SYNPO: variants seen among roughly 807,000 people sequenced by gnomAD.
SYNPO encodes the protein synaptopodin.
A neutral mutation model predicts 49.5 loss-of-function variants in SYNPO; 19 were observed. That is an observed-to-expected ratio of 0.38 (90% CI 0.27 to 0.56). The LOEUF is 0.56. Among genes scored for constraint, SYNPO ranks in the 20% least tolerant of loss-of-function variants. The pLI is 0.68. For synonymous variants in SYNPO, 536 were observed against 548.0 expected (o/e 0.98, Z 0.31); for missense variants, 1,131 against 1,248.3 (o/e 0.91, Z 1.42).
At chr5:150,586,333 C>G in the SYNPO span, among the ~76,000 whole-genome samples, 3 of 152,164 alleles carry the variant, frequency 2.0e-5, no homozygotes, top group Non-Finnish European at 4.4e-5. Flanking sequence ...GAACACAGCC[C>G]GTGGGCTCAC....
At chr5:150,655,066 G>A (rs557588308) in intron 2 of SYNPO, among the ~76,000 whole-genome samples, 7 of 152,226 alleles carry the variant, frequency 4.6e-5, no homozygotes, top group African/African-American at 1.7e-4. Context: ...CAGAAGTTGC[G>A]GTGAGCTGAG....
chr5:150,652,534 G>T (rs1352978320), intron 2 of SYNPO: 1 of 467,258 alleles, frequency 2.1e-6, no homozygotes, highest in Non-Finnish European at 2.8e-6. Context: ...GGAAATGAGG[G>T]CTTCCTCTCT....
At chr5:150,618,884 C>T in intron 2 of SYNPO, 1 of 1,294,048 alleles carries the variant, frequency 7.7e-7, no homozygotes, top group Admixed American at 2.2e-5. Context: ...ATCACAGTCC[C>T]ATGGGCATGC....
upstream of SYNPO, among the ~76,000 whole-genome samples, chr5:150,598,545 G>A (rs1414095087): frequency 2.0e-5 from 3 of 152,226 alleles, no homozygotes; most frequent in African/African-American, 7.2e-5. Flanking sequence ...ACAGTGCCCG[G>A]CACAGAGGAA....
intron 2 of SYNPO, 160 bp downstream of exon 2, chr5:150,650,463 G>C: frequency 2.6e-6 from 4 of 1,519,538 alleles, no homozygotes; most frequent in Non-Finnish European, 3.5e-6. Context: ...GGTCAGATGC[G>C]GCCACCAGCT....
Position 150,657,195 on chromosome 5 carries a change from T to C in SYNPO, c.*108T>C, listed in dbSNP as rs1009362917. On this transcript the variant is annotated 3_prime_UTR_variant, in exon 3 of 3. Transcript: ENST00000307662. ...TTTGGGCAGCCCCAGAGATGAGGGG[T>C]CAGCAGAGGAGAGCTCTGGGGTTGG... The C allele has an allele frequency of 8.0e-7, 1 of 1,246,168 alleles. No individual in the cohort carries two copies. The highest frequency in any genetic ancestry group is 1.5e-5 in the African/African-American group (1 of 65,964). The allele number at this position is 1,246,168 out of a possible 1,614,324, so 77.2% of individuals were successfully genotyped here.
In SYNPO at chr5:150,657,352, A is replaced by G; in HGVS notation, c.*265A>G. The G allele has an allele frequency of 2.0e-6, 1 of 498,820 alleles. No individual in the cohort carries two copies. The highest frequency in any genetic ancestry group is 3.6e-6 in the Non-Finnish European group (1 of 277,474). 30.9% of individuals were successfully genotyped at this position (498,820 alleles called of 1,614,324 possible). ...TTTAATGGTGGCTTTGGCCAAGGCA[A>G]TCCACAAACGTCAAAATTCCCCTTC... On this transcript the variant is annotated 3_prime_UTR_variant, in exon 3 of 3. Coordinates refer to ENST00000307662, the MANE Select transcript of SYNPO (RefSeq NM_007286.6).
the SYNPO span, among the ~76,000 whole-genome samples, chr5:150,586,216 GTC>G: frequency 2.0e-5 from 3 of 152,248 alleles, no homozygotes; most frequent in Non-Finnish European, 4.4e-5. Context: ...CTTGACAGCT[GTC>G]TCTCTAGGGT....
At chr5:150,602,166 G>C (rs537078999) in intron 1 of SYNPO, among the ~76,000 whole-genome samples, 1 of 152,318 alleles carries the variant, frequency 6.6e-6, no homozygotes, top group African/African-American at 2.4e-5. Context: ...CTCCCAGAGG[G>C]CCTAGGTGAC....
intron 2 of SYNPO, among the ~76,000 whole-genome samples, chr5:150,627,338 G>A (rs1757390437): frequency 6.6e-6 from 1 of 152,182 alleles, no homozygotes; most frequent in South Asian, 2.1e-4. Context: ...GGGTGGAGAT[G>A]GGCCAAGTGC....
chr5:150,657,077 G>A lies in SYNPO; in HGVS notation c.2702G>A (p.Cys901Tyr). 6.3e-7 allele frequency: 1 copy of A among 1,590,164 alleles called. No individual in the cohort carries two copies. Among genetic ancestry groups the A allele is most frequent in the Non-Finnish European group, 8.5e-7 (1 of 1,169,614 alleles). The stretch of plus-strand genomic sequence containing the variant: ...GGCAGCCTCCCCGCCGAGGCCTCCT[G>A]CACCACCTAGAGCCCCACCCCCGAC... ...KRGSLPAEAS[C>Y]TT The change falls in exon 3 of 3, where the codon TGC becomes TAC. Residue 901 changes from cysteine (C) to tyrosine (Y), a missense_variant. Physicochemically the swap from Cys to Tyr is radical, Grantham distance 194. Coordinates refer to ENST00000307662, the MANE Select transcript of SYNPO (RefSeq NM_007286.6).
chr5:150,631,509 C>G (rs891267002), intron 2 of SYNPO, among the ~76,000 whole-genome samples: 1 of 152,152 alleles, frequency 6.6e-6, no homozygotes, highest in Non-Finnish European at 1.5e-5. Flanking sequence ...TGGAGCCTGG[C>G]AGGCTGGGAG....
chr5:150,595,886 C>T, the SYNPO span, among the ~76,000 whole-genome samples: 3 of 151,450 alleles, frequency 2.0e-5, no homozygotes, highest in East Asian at 2.0e-4. Context: ...CCTGCCTTCC[C>T]GTAAGTCGGC....
chr5:150,627,673 A>C (rs1757401299), intron 2 of SYNPO, among the ~76,000 whole-genome samples: 2 of 152,178 alleles, frequency 1.3e-5, no homozygotes, highest in African/African-American at 4.8e-5. Flanking sequence ...GGTGATTAGG[A>C]AAGTCCTCTC....
Position 150,657,283 on chromosome 5 carries a change from C to A in SYNPO, c.*196C>A. On this transcript the variant is annotated 3_prime_UTR_variant, in exon 3 of 3. Coordinates refer to ENST00000307662, the MANE Select transcript of SYNPO (RefSeq NM_007286.6). ...GCTCTCATTCAGCTGTTGTGTGACC[C>A]TGGGTAAGACCCTTCCTTGTTTGAC... The A allele has an allele frequency of 6.4e-6, 4 of 629,536 alleles. No homozygotes were observed. Among genetic ancestry groups the A allele is most frequent in the Non-Finnish European group, 1.1e-5 (4 of 370,968 alleles). 39.0% of individuals were successfully genotyped at this position (629,536 alleles called of 1,614,324 possible). A position where few individuals can be genotyped will look rare whatever the true frequency, so the allele number is the denominator to read the frequency against.
chr5:150,613,950 T>C (rs1477808140), intron 1 of SYNPO, among the ~76,000 whole-genome samples: 1 of 152,084 alleles, frequency 6.6e-6, no homozygotes, highest in Non-Finnish European at 1.5e-5. Context: ...ACCCTGCAGA[T>C]GATGGGGAAT....
upstream of SYNPO, among the ~76,000 whole-genome samples, chr5:150,598,698 C>T (rs1426303811): frequency 6.6e-6 from 1 of 152,188 alleles, no homozygotes; most frequent in Non-Finnish European, 1.5e-5. Flanking sequence ...CTACGAAACC[C>T]CCTTTCTAAA....
rs1758660138 is a variant in SYNPO at position 150,658,852 on chromosome 5, G to A, written c.*1765G>A. ...GGAATGCTCCTGCTGCTGTGAAGAT[G>A]AGAAGGTGCTCTTACTCAGTTAATG... On this transcript the variant is annotated 3_prime_UTR_variant, in exon 3 of 3. Coordinates refer to ENST00000307662, the MANE Select transcript of SYNPO (RefSeq NM_007286.6). 1 of 131,148 alleles carries A rather than the reference G, an allele frequency of 7.6e-6. No individual in the cohort carries two copies. Among genetic ancestry groups the A allele is most frequent in the Non-Finnish European group, 1.7e-5 (1 of 59,174 alleles). 8.1% of individuals were successfully genotyped at this position (131,148 alleles called of 1,614,324 possible). A position where few individuals can be genotyped will look rare whatever the true frequency, so the allele number is the denominator to read the frequency against.
chr5:150,657,166 C>A lies in SYNPO; in HGVS notation c.*79C>A. 7.0e-7 allele frequency: 1 copy of A among 1,427,946 alleles called. No homozygotes were observed. Among genetic ancestry groups the A allele is most frequent in the Non-Finnish European group, 9.4e-7 (1 of 1,067,758 alleles). The allele number at this position is 1,427,946 out of a possible 1,614,324, so 88.5% of individuals were successfully genotyped here. On this transcript the variant is annotated 3_prime_UTR_variant, in exon 3 of 3. Coordinates refer to ENST00000307662, the MANE Select transcript of SYNPO (RefSeq NM_007286.6). ...GACCTGGGGGACCCAAAGGGTCTGG[C>A]CTCTTTGGGCAGCCCCAGAGATGAG...
Sources: gnomAD v4.1 joint callset for allele counts (sites outside exome capture counted in the v4.1 genomes callset) on GRCh38, gnomAD v4.1.1 for gene constraint, MANE v1.5 for transcripts, NCBI Gene and HGNC (gene_info 2026-07-23, HGNC 2026-07-21) for gene names.